EHHADH: variants seen among roughly 807,000 people sequenced by gnomAD.
The protein encoded by EHHADH is peroxisomal bifunctional enzyme.
A neutral mutation model predicts 64.4 loss-of-function variants in EHHADH; 48 were observed. That is an observed-to-expected ratio of 0.75 (90% confidence interval 0.59 to 0.95). The LOEUF is 0.95. Ranked by LOEUF, EHHADH falls within the 40% of genes least tolerant of loss-of-function variation. The pLI, the probability that EHHADH is intolerant of heterozygous loss-of-function variation, is 0.00. For missense variants in EHHADH, 854 were observed against 876.6 expected (o/e 0.97, Z 0.33); for synonymous variants, 308 against 326.7 (o/e 0.94, Z 0.62).
chr3:185,232,620 G>T (rs1719166919), intron 3 of EHHADH, among the ~76,000 whole-genome samples: 1 of 152,066 alleles, frequency 6.6e-6, no homozygotes, highest in Non-Finnish European at 1.5e-5. Context: ...AGCTAATTTT[G>T]TATTTTTAGT....
chr3:185,223,919 C>T (rs1369032061), intron 4 of EHHADH, among the ~76,000 whole-genome samples: 1 of 152,196 alleles, frequency 6.6e-6, no homozygotes, highest in African/African-American at 2.4e-5. Context: ...GCAATATGAT[C>T]AGGCATATCC....
intron 5 of EHHADH, among the ~76,000 whole-genome samples, chr3:185,215,498 A>G (rs1373526340): frequency 1.3e-5 from 2 of 152,192 alleles, no homozygotes; most frequent in African/African-American, 2.4e-5. Flanking sequence ...CCTGCGGCCA[A>G]GGGGAAGAAA....
chr3:185,193,628 T>G, intron 6 of EHHADH, 141 bp from the exon 7 acceptor site: 5 of 948,280 alleles, frequency 5.3e-6, no homozygotes, highest in Non-Finnish European at 7.7e-6. Context: ...TGAGTACTAG[T>G]TAAGACTCTG....
At position 185,218,151 on chromosome 3, in the gene EHHADH, C is replaced by A. The variant is rs751806587; in HGVS notation, c.553G>T (p.Ala185Ser). The A allele has an allele frequency of 6.2e-7, 1 of 1,605,594 alleles. No individual in the cohort carries two copies. The highest frequency in any genetic ancestry group is 8.5e-7 in the Non-Finnish European group (1 of 1,176,152). Residue 185 changes from alanine (A) to serine (S), a missense_variant, in exon 5 of 7, where the codon GCT becomes TCT. Ala to Ser is a moderately conservative substitution (Grantham distance 99). Transcript: ENST00000231887. Reference sequence around the variant, plus strand: ...ATCTTCTTACCTGAAACTCTCTGAGCAAATCTGATTGCTTCTTCAACCGGG... The same window carrying A: ...ATCTTCTTACCTGAAACTCTCTGAGAAAATCTGATTGCTTCTTCAACCGGG... Reference protein sequence around the residue: ...SDPVEEAIRFAQRVSDQPLES... With the variant: ...SDPVEEAIRFSQRVSDQPLES...
Position 185,254,024 on chromosome 3 carries a change from T to A in EHHADH, c.-2A>T. 1 of 1,613,570 alleles carries A rather than the reference T, an allele frequency of 6.2e-7. No homozygotes were observed. The highest frequency in any genetic ancestry group is 8.5e-7 in the Non-Finnish European group (1 of 1,179,690). On this transcript the variant is annotated 5_prime_UTR_variant, in exon 1 of 7. Coordinates refer to ENST00000231887, the MANE Select transcript of EHHADH (RefSeq NM_001966.4). ...GTGCAGCCGCGTATACTCGGCCATG[T>A]TTCCTCTATCACCGAGGGCACCTCT... is the stretch of plus-strand genomic sequence containing the variant.
In EHHADH at chr3:185,243,151, T is replaced by A. The variant is rs555503079; in HGVS notation, c.178+5263A>T. Among the ~76,000 whole-genome samples the A allele has an allele frequency of 5.9e-5, 9 of 152,364 alleles. No individual in the cohort carries two copies. In the East Asian group the frequency reaches 1.7e-3, roughly 29 times the overall value. On this transcript the variant is annotated intron_variant, in intron 2 of 6. Transcript: ENST00000231887. ...CTCCAGTTTCCCCAGTGGGGGTGTG[T>A]GTTCCAGAATGGAGGATCTCCCTCT...
At chr3:185,232,834 C>T (rs1474931275) in intron 3 of EHHADH, among the ~76,000 whole-genome samples, 1 of 152,204 alleles carries the variant, frequency 6.6e-6, no homozygotes, top group African/African-American at 2.4e-5. Context: ...AAATAACATA[C>T]ACAAAGTGCC....
chr3:185,220,150 G>A (rs1560013969), intron 4 of EHHADH, among the ~76,000 whole-genome samples: 1 of 152,180 alleles, frequency 6.6e-6, no homozygotes, highest in Non-Finnish European at 1.5e-5. Flanking sequence ...CAGGGAGAAT[G>A]TGAGCTACTC....
rs191349510 is a variant in EHHADH, at chr3:185,236,643, C to T, written c.179-1181G>A. ...TTCATCTTTTTTTCCCTTTTTGCTA[C>T]CTGTTCCTCATCTAGCATCAATCCA... On this transcript the variant is annotated intron_variant, in intron 2 of 6. Coordinates refer to ENST00000231887, the MANE Select transcript of EHHADH (RefSeq NM_001966.4). Among the ~76,000 whole-genome samples, 313 of 152,054 alleles carry T rather than the reference C, an allele frequency of 2.1e-3. 1 individual carries two copies. Among genetic ancestry groups the T allele is most frequent in the Admixed American group, 3.4e-3 (52 of 15,256 alleles).
intron 6 of EHHADH, among the ~76,000 whole-genome samples, chr3:185,197,984 AT>A (rs2108625703): frequency 6.6e-6 from 1 of 152,172 alleles, no homozygotes; most frequent in South Asian, 2.1e-4. Flanking sequence ...TTTAGTAGAG[AT>A]GGGATTTCAC....
chr3:185,241,522 T>C (rs1430568355), intron 2 of EHHADH, among the ~76,000 whole-genome samples: 1 of 152,234 alleles, frequency 6.6e-6, no homozygotes, highest in Non-Finnish European at 1.5e-5. Flanking sequence ...TATCGCATTG[T>C]GGTTTTGATT....
At chr3:185,199,936 A>G (rs1718178468) in intron 6 of EHHADH, among the ~76,000 whole-genome samples, 1 of 152,166 alleles carries the variant, frequency 6.6e-6, no homozygotes, top group African/African-American at 2.4e-5. Context: ...GCACAACGGT[A>G]GACGTGGGTA....
chr3:185,247,246 T>C (rs557291970), intron 2 of EHHADH, among the ~76,000 whole-genome samples: 4 of 152,298 alleles, frequency 2.6e-5, no homozygotes, highest in East Asian at 3.9e-4. Context: ...TCCCTAATAC[T>C]TTTTTAGAAG....
At chr3:185,249,419 C>T (rs925998248) in intron 1 of EHHADH, among the ~76,000 whole-genome samples, 10 of 152,156 alleles carry the variant, frequency 6.6e-5, no homozygotes, top group Non-Finnish European at 1.2e-4. Flanking sequence ...TGAGCCACCG[C>T]GCCCAGCCTG....
Position 185,209,596 on chromosome 3 carries a change from T to C in EHHADH, c.569-4839A>G, listed in dbSNP as rs1031935089. Among the ~76,000 whole-genome samples, 4 of 152,370 alleles carry C rather than the reference T, an allele frequency of 2.6e-5. No individual in the cohort carries two copies. In the South Asian group the frequency reaches 6.2e-4, roughly 24 times the overall value. On this transcript the variant is annotated intron_variant, in intron 5 of 6. Transcript: ENST00000231887. ...CATATGAACATAAGCGCATCTGGCA[T>C]TGAGCCCCTCTGGCATTGGTGTGTT...
chr3:185,248,113 C>G lies in EHHADH; in HGVS notation c.178+301G>C, dbSNP rs112349779. On this transcript the variant is annotated intron_variant, in intron 2 of 6. Coordinates refer to ENST00000231887, the MANE Select transcript of EHHADH (RefSeq NM_001966.4). ...GTTCAGGAAGTTAAAGAGATTTGCC[C>G]AAGCCCACATATGGTGGAGATACAT... 6 of 251,014 alleles carry G rather than the reference C, an allele frequency of 2.4e-5. 1 individual carries two copies. The highest frequency in any genetic ancestry group is 8.9e-5 in the African/African-American group (4 of 45,034). The allele number at this position is 251,014 out of a possible 1,614,324, so 15.5% of individuals were successfully genotyped here.
intron 4 of EHHADH, 23 bp downstream of exon 4, chr3:185,229,409 T>A (rs928736793): frequency 2.9e-6 from 4 of 1,362,964 alleles, no homozygotes; most frequent in Non-Finnish European, 3.9e-6. Flanking sequence ...ATCTAGACAG[T>A]TGTTGCCAAG....
At position 185,192,657 on chromosome 3, in the gene EHHADH, G is replaced by C; in HGVS notation, c.1741C>G (p.Gln581Glu). 1 of 1,614,158 alleles carries C rather than the reference G, an allele frequency of 6.2e-7. No homozygotes were observed. Among genetic ancestry groups the C allele is most frequent in the South Asian group, 1.1e-5 (1 of 91,076 alleles). Reference sequence around the variant, plus strand: ...ATCCTACCCAATGGCTTGTCATATTGATACCAACCCTTACCTGTCTTCTGG... The same window carrying C: ...ATCCTACCCAATGGCTTGTCATATTCATACCAACCCTTACCTGTCTTCTGG... ...FGQKTGKGWY[Q>E]YDKPLGRIHK... Residue 581 changes from glutamine to glutamate, a missense_variant, in exon 7 of 7, where the codon CAA becomes GAA. Physicochemically the swap from Gln to Glu is conservative, Grantham distance 29. Coordinates refer to ENST00000231887, the MANE Select transcript of EHHADH (RefSeq NM_001966.4).
chr3:185,227,310 A>G (rs1443218593), intron 4 of EHHADH, among the ~76,000 whole-genome samples: 1 of 152,220 alleles, frequency 6.6e-6, no homozygotes, highest in African/African-American at 2.4e-5. Context: ...AGGCAGGCGG[A>G]TCACCTGAGG....
Sources: gnomAD v4.1 joint callset for allele counts (sites outside exome capture counted in the v4.1 genomes callset) on GRCh38, gnomAD v4.1.1 for gene constraint, MANE v1.5 for transcripts, NCBI Gene and HGNC (gene_info 2026-07-23, HGNC 2026-07-21) for gene names.